The following OR10G3 variants were observed in gnomAD, a reference collection of about 807,000 sequenced individuals.
OR10G3 encodes the protein olfactory receptor family 10 subfamily G member 3.
Under a neutral mutation model 13.4 loss-of-function variants are expected in OR10G3, and 8 were observed. The observed-to-expected ratio is 0.60, with a 90% CI of 0.35 to 1.08. OR10G3 has a LOEUF of 1.08. Among genes scored for constraint, OR10G3 ranks in the 50% least tolerant of loss-of-function variants. The pLI is 0.02. For missense variants in OR10G3, 393 were observed against 386.6 expected (o/e 1.02, Z -0.14); for synonymous variants, 142 against 156.1 (o/e 0.91, Z 0.67).
chr14:21,576,902 G>A (rs896920315), intron 1 of OR10G3, among the ~76,000 whole-genome samples: 3 of 151,908 alleles, frequency 2.0e-5, no homozygotes, highest in South Asian at 4.2e-4. Flanking sequence ...TTGTAATACC[G>A]AGTATCTTTA....
At chr14:21,574,936 A>G (rs1451447565) in intron 1 of OR10G3, 1 of 122,756 alleles carries the variant, frequency 8.1e-6, no homozygotes, top group Non-Finnish European at 1.8e-5. Context: ...ACCCTGTCTT[A>G]AAACAAAAAC....
chr14:21,570,245 A>G lies in OR10G3; in HGVS notation c.500T>C (p.Leu167Pro). The change falls in exon 2 of 2, where the codon CTG becomes CCG. Residue 167 changes from leucine to proline, a missense_variant. Physicochemically the swap from Leu to Pro is moderately conservative, Grantham distance 98. Transcript: ENST00000641040. ...GALQAILTFR[L>P]PYCGPNQVDY... ...CACCTGATTGGGCCCACAGTAGGGCAGGCGGAAGGTTAGGATGGCCTGGAG... is the reference window on the plus strand; with the variant it reads ...CACCTGATTGGGCCCACAGTAGGGCGGGCGGAAGGTTAGGATGGCCTGGAG... 6.2e-7 allele frequency: 1 copy of G among 1,614,182 alleles called. No homozygotes were observed.
Position 21,570,587 on chromosome 14 carries a change from G to T in OR10G3, c.158C>A (p.Pro53Gln). 1 of 1,614,118 alleles carries T rather than the reference G, an allele frequency of 6.2e-7. No individual in the cohort carries two copies. The highest frequency in any genetic ancestry group is 8.5e-7 in the Non-Finnish European group (1 of 1,180,020). The change falls in exon 2 of 2, where the codon CCA becomes CAA. Residue 53 changes from proline to glutamine, a missense_variant. By Grantham distance (76) the Pro-to-Gln change is moderately conservative. Transcript: ENST00000641040. ...LLILITVWADPRLHARPMYIF... is the reference protein window; with the variant it reads ...LLILITVWADQRLHARPMYIF... ...GTACATGGGGCGGGCATGGAGCCTT[G>T]GGTCTGCCCAGACAGTGATTAAAAT...
rs920790638 is a variant in OR10G3, at chr14:21,569,662, A to G, written c.*141T>C. On this transcript the variant is annotated 3_prime_UTR_variant, in exon 2 of 2. Coordinates refer to ENST00000641040, the MANE Select transcript of OR10G3 (RefSeq NM_001005465.2). ...ACTAAGGAACTGTTAGAAAGTTAGT[A>G]TTTTACCTTAAACTGTGTTTGATCA... 1.3e-5 allele frequency: 9 copies of G among 690,162 alleles called. No homozygotes were observed. Among genetic ancestry groups the G allele is most frequent in the African/African-American group, 9.0e-5 (5 of 55,258 alleles). 42.8% of individuals were successfully genotyped at this position (690,162 alleles called of 1,614,324 possible).
chr14:21,575,745 C>T (rs143629335), intron 1 of OR10G3, among the ~76,000 whole-genome samples: 1 of 152,074 alleles, frequency 6.6e-6, no homozygotes, highest in Non-Finnish European at 1.5e-5. Context: ...GAGCTTAGCT[C>T]TCATCATTTA....
chr14:21,570,033 C>G lies in OR10G3; in HGVS notation c.712G>C (p.Ala238Pro), dbSNP rs1893045915. The change falls in exon 2 of 2, where the codon GCT (alanine) becomes CCT (proline). Residue 238 changes from alanine to proline, a missense_variant. Ala to Pro is a conservative substitution (Grantham distance 27, BLOSUM62 -1). Coordinates refer to ENST00000641040, the MANE Select transcript of OR10G3 (RefSeq NM_001005465.2). ...ACATGGGCTCCACAAGTTGAAAAAG[C>G]CCGGCGCCGCCCATCAGCTGTGTGG... ...RIHTADGRRR[A>P]FSTCGAHVTV... The G allele has an allele frequency of 6.2e-7, 1 of 1,614,218 alleles. No individual in the cohort carries two copies. The highest frequency in any genetic ancestry group is 8.5e-7 in the Non-Finnish European group (1 of 1,180,044).
At position 21,569,696 on chromosome 14, in the gene OR10G3, G is replaced by A; in HGVS notation, c.*107C>T. 2.4e-6 allele frequency: 2 copies of A among 829,462 alleles called. No homozygotes were observed. The highest frequency in any genetic ancestry group is 3.8e-6 in the Non-Finnish European group (2 of 527,822). 51.4% of individuals were successfully genotyped at this position (829,462 alleles called of 1,614,324 possible). ...TAAACTGTGTTTGATCATACAGTAT[G>A]GCTATATAAAAGAGAAAAAACAAGA... On this transcript the variant is annotated 3_prime_UTR_variant, in exon 2 of 2. Transcript: ENST00000641040.
chr14:21,569,887 G>A lies in OR10G3; in HGVS notation c.858C>T (p.Pro286=). Reference sequence around the variant, plus strand: ...CTTGGTTCCGCAGAGTGTAGATAAGGGGGTTGAGGAAAGGAGTGATGGCCG... The same window carrying A: ...CTTGGTTCCGCAGAGTGTAGATAAGAGGGTTGAGGAAAGGAGTGATGGCCG... ...VPTAITPFLN[P]LIYTLRNQEV... is the part of the protein sequence containing the mutation. The change falls in exon 2 of 2, where the codon CCC becomes CCT. Residue 286 remains proline (P), a synonymous_variant. Transcript: ENST00000641040. 6.2e-7 allele frequency: 1 copy of A among 1,614,050 alleles called. No individual in the cohort carries two copies. The highest frequency in any genetic ancestry group is 8.5e-7 in the Non-Finnish European group (1 of 1,179,978).
intron 1 of OR10G3, among the ~76,000 whole-genome samples, chr14:21,573,681 A>G (rs1282786264): frequency 6.6e-6 from 1 of 151,662 alleles, no homozygotes; most frequent in Non-Finnish European, 1.5e-5. Context: ...CAAAAAAAAA[A>G]AAGTACGAAG....
At chr14:21,570,798 G>T in intron 1 of OR10G3, 37 bp from the exon 2 acceptor site, 4 of 1,223,794 alleles carry the variant, frequency 3.3e-6, no homozygotes, top group South Asian at 1.5e-5. Flanking sequence ...ACATAGAGGT[G>T]AGAGGAAAGT....
At position 21,569,917 on chromosome 14, in the gene OR10G3, G is replaced by T; in HGVS notation, c.828C>A (p.Val276=). 6.2e-7 allele frequency: 1 copy of T among 1,613,532 alleles called. No homozygotes were observed. The highest frequency in any genetic ancestry group is 8.5e-7 in the Non-Finnish European group (1 of 1,179,716). The part of the protein sequence containing the change: ...NSPLDGAAAL[V]PTAITPFLNP... ...TGAGGAAAGGAGTGATGGCCGTGGG[G>T]ACTAGGGCAGCTGCCCCATCCAGGG... The change falls in exon 2 of 2, where the codon GTC becomes GTA. Residue 276 remains valine (V), a synonymous_variant. Transcript: ENST00000641040.
intron 1 of OR10G3, 34 bp from the exon 2 acceptor site, chr14:21,570,795 G>A (rs1036797249): frequency 6.3e-6 from 8 of 1,267,300 alleles, no homozygotes; most frequent in Non-Finnish European, 8.7e-6. Context: ...TTAACATAGA[G>A]GTGAGAGGAA....
chr14:21,573,847 T>C (rs1309093234), intron 1 of OR10G3, among the ~76,000 whole-genome samples: 1 of 152,162 alleles, frequency 6.6e-6, no homozygotes, highest in Non-Finnish European at 1.5e-5. Context: ...ATATGTTAGT[T>C]TGATACAATC....
At chr14:21,578,006 A>G (rs1284989306) in intron 1 of OR10G3, among the ~76,000 whole-genome samples, 2 of 152,182 alleles carry the variant, frequency 1.3e-5, no homozygotes, top group Non-Finnish European at 2.9e-5. Flanking sequence ...CCAACTCAAA[A>G]AAAAAGAAAA....
In OR10G3 at chr14:21,570,006, T is replaced by C. The variant is rs757941426; in HGVS notation, c.739A>G (p.Thr247Ala). The C allele has an allele frequency of 1.2e-6, 2 of 1,614,082 alleles. No individual in the cohort carries two copies. The highest frequency in any genetic ancestry group is 4.5e-5 in the East Asian group (2 of 44,880). Residue 247 changes from threonine (T) to alanine (A), a missense_variant, in exon 2 of 2, where the codon ACC becomes GCC. Coordinates refer to ENST00000641040, the MANE Select transcript of OR10G3 (RefSeq NM_001005465.2). ...GGCACATAGTACACGGTGACCACGG[T>C]TACATGGGCTCCACAAGTTGAAAAA... ...RAFSTCGAHV[T>A]VVTVYYVPCA...
rs576588694 is a variant in OR10G3 at position 21,572,147 on chromosome 14, C to T, written c.-17-1386G>A. On this transcript the variant is annotated intron_variant, in intron 1 of 1. Coordinates refer to ENST00000641040, the MANE Select transcript of OR10G3 (RefSeq NM_001005465.2). ...CCTCTGCTAAAAATACAAAAATTAG[C>T]CAGGCACGGTGGTGGGCACCTATAA... Among the ~76,000 whole-genome samples the T allele has an allele frequency of 4.6e-5, 7 of 151,288 alleles. 1 individual carries two copies. In the South Asian group the frequency reaches 6.3e-4, roughly 14 times the overall value.
Position 21,569,880 on chromosome 14 carries a change from A to C in OR10G3, c.865T>G (p.Tyr289Asp). The C allele has an allele frequency of 6.2e-7, 1 of 1,614,082 alleles. No individual in the cohort carries two copies. The highest frequency in any genetic ancestry group is 1.3e-5 in the African/African-American group (1 of 75,038). The part of the protein sequence containing the change: ...AITPFLNPLI[Y>D]TLRNQEVKLA... The stretch of plus-strand genomic sequence containing the variant: ...TTCACCTCTTGGTTCCGCAGAGTGT[A>C]GATAAGGGGGTTGAGGAAAGGAGTG... The change falls in exon 2 of 2, where the codon TAC (tyrosine) becomes GAC (aspartate). Residue 289 changes from tyrosine to aspartate, a missense_variant. Coordinates refer to ENST00000641040, the MANE Select transcript of OR10G3 (RefSeq NM_001005465.2).
chr14:21,569,775 C>T lies in OR10G3; in HGVS notation c.*28G>A, dbSNP rs893645759. The T allele has an allele frequency of 4.5e-6, 7 of 1,564,302 alleles. No individual in the cohort carries two copies. In the African/African-American group the frequency reaches 8.2e-5, roughly 18 times the overall value. ...ACATTATAATAAATTCTAATTGTGG[C>T]AGCTTCCCTAGTGGGAGAAAGACAC... On this transcript the variant is annotated 3_prime_UTR_variant, in exon 2 of 2. Transcript: ENST00000641040.
chr14:21,577,774 C>T (rs776092452), intron 1 of OR10G3, among the ~76,000 whole-genome samples: 23 of 152,006 alleles, frequency 1.5e-4, no homozygotes, highest in African/African-American at 2.4e-4. Context: ...TTTGGGAGGC[C>T]GAGGCGGGCA....
Sources: gnomAD v4.1 joint callset for allele counts (sites outside exome capture counted in the v4.1 genomes callset) on GRCh38, gnomAD v4.1.1 for gene constraint, MANE v1.5 for transcripts, NCBI Gene and HGNC (gene_info 2026-07-23, HGNC 2026-07-21) for gene names.